The following NTNG2 variants were observed in gnomAD, a reference collection of about 807,000 sequenced individuals.
The protein encoded by NTNG2 is netrin-G2.
NTNG2 carries 15 observed loss-of-function variants against 47.6 expected under a neutral mutation model. The ratio of observed to expected loss-of-function variants is 0.32; its 90% CI spans 0.21 to 0.49. The LOEUF (loss-of-function observed/expected upper bound fraction) is 0.49, where lower values mean the gene tolerates loss of function less well. Ranked by LOEUF, NTNG2 falls within the 20% of genes least tolerant of loss-of-function variation. The pLI, the probability that NTNG2 is intolerant of heterozygous loss-of-function variation, is 0.99. For missense variants in NTNG2, 578 were observed against 764.6 expected (o/e 0.76, Z 2.88); for synonymous variants, 307 against 324.6 (o/e 0.95, Z 0.58).
At chr9:132,178,543 G>A (rs1432332748) in intron 2 of NTNG2, among the ~76,000 whole-genome samples, 1 of 152,032 alleles carries the variant, frequency 6.6e-6, no homozygotes, top group East Asian at 1.9e-4. Flanking sequence ...CCCAGGAAAG[G>A]GGACCCCAGA....
Position 132,183,345 on chromosome 9 carries a change from T to C in NTNG2, c.214-14621T>C, listed in dbSNP as rs558729718. 2.0e-5 allele frequency among the ~76,000 whole-genome samples: 3 copies of C among 152,310 alleles called. No individual in the cohort carries two copies. In the East Asian group the frequency reaches 5.8e-4, roughly 29 times the overall value. On this transcript the variant is annotated intron_variant, in intron 2 of 7. Transcript: ENST00000393229. The stretch of plus-strand genomic sequence containing the variant: ...CTCCTGGCCTCCCTTTGGCCTTCTC[T>C]CCTGCGCTCCCCACCAAGCTCCTGG...
At chr9:132,239,385 G>A (rs1841841925) in intron 6 of NTNG2, 114 bp downstream of exon 6, 4 of 984,214 alleles carry the variant, frequency 4.1e-6, no homozygotes, top group African/African-American at 1.6e-5. Context: ...GAGACTGTGG[G>A]AATTCTAACT....
At chr9:132,190,126 G>A (rs903370059) in intron 2 of NTNG2, among the ~76,000 whole-genome samples, 22 of 148,770 alleles carry the variant, frequency 1.5e-4, no homozygotes, top group Non-Finnish European at 2.7e-4. Context: ...CCAGCTACTT[G>A]GGAGGCTGAG....
At chr9:132,201,951 TAGA>T (rs1838790817) in intron 3 of NTNG2, among the ~76,000 whole-genome samples, 1 of 152,034 alleles carries the variant, frequency 6.6e-6, no homozygotes, top group South Asian at 2.1e-4. Flanking sequence ...GGTCAGAGAA[TAGA>T]AGGAGATTGC....
chr9:132,210,296 G>A (rs1037847045), intron 3 of NTNG2, among the ~76,000 whole-genome samples: 4 of 152,104 alleles, frequency 2.6e-5, no homozygotes, highest in East Asian at 1.9e-4. Flanking sequence ...AGACTTGCCC[G>A]CTCAAGTCCC....
chr9:132,195,226 C>T (rs1433121480), intron 2 of NTNG2, among the ~76,000 whole-genome samples: 2 of 152,228 alleles, frequency 1.3e-5, no homozygotes, highest in Non-Finnish European at 2.9e-5. Context: ...CCCCACCCAC[C>T]ATCTTTCCCT....
At chr9:132,178,823 G>A (rs1191469548) in intron 2 of NTNG2, among the ~76,000 whole-genome samples, 6 of 151,380 alleles carry the variant, frequency 4.0e-5, no homozygotes, top group Non-Finnish European at 7.4e-5. Flanking sequence ...GGGTGTGGTG[G>A]TGCACACCTG....
rs752141700 is a variant in NTNG2 at position 132,198,227 on chromosome 9, C to T, written c.475C>T (p.Arg159Cys). The change falls in exon 3 of 8, where the codon CGC becomes TGC. Residue 159 changes from arginine to cysteine, a missense_variant. Physicochemically the swap from Arg to Cys is radical, Grantham distance 180 (BLOSUM62 -3). Coordinates refer to ENST00000393229, the MANE Select transcript of NTNG2 (RefSeq NM_032536.4). ...MVLEKSLDNG[R>C]TWQPYQFYAE... ...CCTGGAGAAGTCCCTGGACAACGGG[C>T]GCACCTGGCAGCCCTACCAGTTCTA... 3 of 1,613,178 alleles carry T rather than the reference C, an allele frequency of 1.9e-6. No homozygotes were observed. Among genetic ancestry groups the T allele is most frequent in the South Asian group, 1.1e-5 (1 of 91,086 alleles).
chr9:132,225,412 A>C (rs1052889080), intron 3 of NTNG2, among the ~76,000 whole-genome samples: 27 of 152,128 alleles, frequency 1.8e-4, no homozygotes, highest in Non-Finnish European at 1.6e-4. Context: ...CTAGGACTGC[A>C]GGCATGTGCC....
chr9:132,192,501 GT>G, intron 2 of NTNG2, among the ~76,000 whole-genome samples: 1 of 152,264 alleles, frequency 6.6e-6, no homozygotes, highest in Non-Finnish European at 1.5e-5. Flanking sequence ...TGAGGCAGGA[GT>G]ATCGCTTGAA....
At chr9:132,230,642 C>T (rs772792892) in intron 5 of NTNG2, 47 bp downstream of exon 5, 2 of 1,592,392 alleles carry the variant, frequency 1.3e-6, no homozygotes, top group Non-Finnish European at 1.7e-6. Context: ...ACTGCACGAG[C>T]CTCTTTGCAT....
In NTNG2 at chr9:132,226,193, A is replaced by G. The variant is rs577498020; in HGVS notation, c.858-656A>G. On this transcript the variant is annotated intron_variant, in intron 3 of 7. Coordinates refer to ENST00000393229, the MANE Select transcript of NTNG2 (RefSeq NM_032536.4). The surrounding 1 kb of genome is among the most constrained non-coding windows in gnomAD (Gnocchi z 4.8). The stretch of plus-strand genomic sequence containing the variant: ...TCGGTTACCCCGAGGTACAGTTTAT[A>G]TAGGACAGGCAGGATAAATGCTTGA... 8.1e-4 allele frequency among the ~76,000 whole-genome samples: 124 copies of G among 152,356 alleles called. 1 individual carries two copies. The highest frequency in any genetic ancestry group is 2.9e-3 in the African/African-American group (121 of 41,572).
At chr9:132,241,218 G>T (rs1193366273) in intron 7 of NTNG2, among the ~76,000 whole-genome samples, 174 bp downstream of exon 7, 3 of 151,786 alleles carry the variant, frequency 2.0e-5, no homozygotes, top group African/African-American at 4.8e-5. Flanking sequence ...GGCGGTGGGC[G>T]GGGCCTCGCG....
intron 2 of NTNG2, among the ~76,000 whole-genome samples, chr9:132,169,971 C>T (rs1034759748): frequency 3.9e-5 from 6 of 152,222 alleles, no homozygotes; most frequent in African/African-American, 1.4e-4. Context: ...CTGTTGTTAA[C>T]CAGCCACCAG....
At position 132,167,802 on chromosome 9, in the gene NTNG2, C is replaced by T. The variant is rs1285511997; in HGVS notation, c.213+758C>T. On this transcript the variant is annotated intron_variant, in intron 2 of 7. Coordinates refer to ENST00000393229, the MANE Select transcript of NTNG2 (RefSeq NM_032536.4). ...CAACAACAGCAGAGATGGTTGCGTG[C>T]GAGCTGTCTGAGTGTGTGGGCCGAG... Among the ~76,000 whole-genome samples, 4 of 152,252 alleles carry T rather than the reference C, an allele frequency of 2.6e-5. No individual in the cohort carries two copies. In the East Asian group the frequency reaches 7.7e-4, roughly 29 times the overall value.
At chr9:132,230,018 C>T (rs2130960741) in intron 4 of NTNG2, among the ~76,000 whole-genome samples, 1 of 152,366 alleles carries the variant, frequency 6.6e-6, no homozygotes, top group East Asian at 1.9e-4. Context: ...AGAATCAGGA[C>T]CATAAGGAAG....
At chr9:132,187,171 G>A (rs1324435045) in intron 2 of NTNG2, among the ~76,000 whole-genome samples, 1 of 152,270 alleles carries the variant, frequency 6.6e-6, no homozygotes, top group Non-Finnish European at 1.5e-5. Context: ...TGGGGGAGGA[G>A]CAGGGGCGGT....
chr9:132,186,960 G>T (rs905657420), intron 2 of NTNG2, among the ~76,000 whole-genome samples: 1 of 152,260 alleles, frequency 6.6e-6, no homozygotes, highest in South Asian at 2.1e-4. Context: ...AACACTGTGG[G>T]CAGGGTTGAA....
rs1000776389 is a variant in NTNG2 at position 132,218,907 on chromosome 9, C to T, written c.858-7942C>T. Among the ~76,000 whole-genome samples, 3 of 152,206 alleles carry T rather than the reference C, an allele frequency of 2.0e-5. No homozygotes were observed. Among genetic ancestry groups the T allele is most frequent in the African/African-American group, 4.8e-5 (2 of 41,446 alleles). On this transcript the variant is annotated intron_variant, in intron 3 of 7. Transcript: ENST00000393229. The surrounding 1 kb of genome is among the most constrained non-coding windows in gnomAD (Gnocchi z 5.4). ...AGCCCTTCCCTGTTTCCACACATCC[C>T]GATCATTCATTCACTCACAGCTTTA...
Sources: gnomAD v4.1 joint callset for allele counts (sites outside exome capture counted in the v4.1 genomes callset) on GRCh38, gnomAD v4.1.1 for gene constraint, Gnocchi (gnomAD v3.1) non-coding constraint, MANE v1.5 for transcripts, NCBI Gene and HGNC (gene_info 2026-07-23, HGNC 2026-07-21) for gene names.